DUSP15: variants seen among roughly 807,000 people sequenced by gnomAD.
DUSP15 encodes dual specificity phosphatase 15.
A neutral mutation model predicts 26.3 loss-of-function variants in DUSP15; 23 were observed. The ratio of observed to expected loss-of-function variants is 0.87; its 90% CI spans 0.63 to 1.24. The LOEUF (loss-of-function observed/expected upper bound fraction) is 1.24. Ranked by LOEUF, DUSP15 falls within the 50% of genes most tolerant of loss-of-function variation. The pLI, the probability that DUSP15 is intolerant of heterozygous loss-of-function variation, is 0.00. For missense variants in DUSP15, 364 were observed against 320.6 expected, an observed-to-expected ratio of 1.14 and a Z score of -1.03; for synonymous variants, 143 against 135.5, an observed-to-expected ratio of 1.06 and a Z score of -0.39.
At position 31,861,618 on chromosome 20, in the gene DUSP15, A is replaced by G. The variant is rs1282201647; in HGVS notation, c.493T>C (p.Leu165=). 2.1e-6 allele frequency: 3 copies of G among 1,411,002 alleles called. No homozygotes were observed. The highest frequency in any genetic ancestry group is 3.6e-5 in the East Asian group (1 of 27,800). The allele number at this position is 1,411,002 out of a possible 1,614,324, so 87.4% of individuals were successfully genotyped here. A position where few individuals can be genotyped will look rare whatever the true frequency, so the allele number is the denominator to read the frequency against. ...GESPFRDEEE[L]RALLPLCKRC... is the part of the protein sequence containing the mutation. ...TTGCACAGCGGCAGCAGCGCGCGCA[A>G]CTCCTCCTCGTCGCGGAAGGGGCTC... is the stretch of plus-strand genomic sequence containing the variant. The change falls in exon 7 of 7, where the codon TTG becomes CTG. Residue 165 remains leucine, a synonymous_variant. Coordinates refer to ENST00000339738, the MANE Select transcript of DUSP15 (RefSeq NM_080611.5).
chr20:31,864,043 C>T, intron 4 of DUSP15, 62 bp from the exon 5 acceptor site: 3 of 1,605,052 alleles, frequency 1.9e-6, no homozygotes, highest in South Asian at 2.2e-5. Flanking sequence ...AGTTGTTCCG[C>T]CCCCACCCCA....
Position 31,861,749 on chromosome 20 carries a change from A to G in DUSP15, c.436-74T>C, listed in dbSNP as rs1231715842. ...GGTCAAGGCAGCCGGCCCCGCCCCC[A>G]CCCTCCCGACCTTCGCCCTTCTCCG... On this transcript the variant is annotated intron_variant, in intron 6 of 6. Coordinates refer to ENST00000339738, the MANE Select transcript of DUSP15 (RefSeq NM_080611.5). 6 of 1,005,162 alleles carry G rather than the reference A, an allele frequency of 6.0e-6. No individual in the cohort carries two copies. The African/African-American group carries it at 1.5e-4, about 25-fold the overall frequency. 62.3% of individuals were successfully genotyped at this position (1,005,162 alleles called of 1,614,324 possible).
Position 31,861,321 on chromosome 20 carries a change from C to T in DUSP15, c.*82G>A, listed in dbSNP as rs779614720. The T allele has an allele frequency of 3.0e-4, 422 of 1,394,462 alleles. 2 individuals are homozygous for T. Among genetic ancestry groups the T allele is most frequent in the South Asian group, 2.0e-3 (127 of 63,644 alleles). 86.4% of individuals were successfully genotyped at this position (1,394,462 alleles called of 1,614,324 possible). A position where few individuals can be genotyped will look rare whatever the true frequency, so the allele number is the denominator to read the frequency against. On this transcript the variant is annotated 3_prime_UTR_variant, in exon 7 of 7. Transcript: ENST00000339738. Reference sequence around the variant, plus strand: ...CCGCGGGGCTCCCCCAGCCTCTGGGCCCGTCCTGGGGGGCGTGGAAGGCGC... The same window carrying T: ...CCGCGGGGCTCCCCCAGCCTCTGGGTCCGTCCTGGGGGGCGTGGAAGGCGC...
chr20:31,860,518 A>G (rs1189262533), downstream of DUSP15, among the ~76,000 whole-genome samples: 2 of 152,180 alleles, frequency 1.3e-5, no homozygotes, highest in African/African-American at 4.8e-5. Flanking sequence ...GGAACCTCCC[A>G]AACCAGAGGA....
intron 6 of DUSP15, among the ~76,000 whole-genome samples, chr20:31,852,920 G>C (rs562425714): frequency 3.3e-4 from 50 of 152,360 alleles, no homozygotes; most frequent in African/African-American, 1.2e-3. Context: ...TCCAGGTGGA[G>C]GGGCCTCTTT....
intron 6 of DUSP15, among the ~76,000 whole-genome samples, chr20:31,853,704 T>A (rs1007395336): frequency 1.1e-4 from 16 of 151,088 alleles, no homozygotes; most frequent in African/African-American, 3.9e-4. Flanking sequence ...TGGGTTCGAG[T>A]GATCCTCCCA....
At chr20:31,863,204 A>G (rs1600471251) in intron 5 of DUSP15, among the ~76,000 whole-genome samples, 1 of 152,268 alleles carries the variant, frequency 6.6e-6, no homozygotes, top group African/African-American at 2.4e-5. Context: ...GGGGTTAGGG[A>G]AGGGGTTCCC....
At position 31,861,160 on chromosome 20, in the gene DUSP15, GCCCCCT is replaced by G; in HGVS notation, c.*237_*242del. The G allele has an allele frequency of 7.5e-7, 1 of 1,327,684 alleles. No individual in the cohort carries two copies. Among genetic ancestry groups the G allele is most frequent in the Non-Finnish European group, 9.6e-7 (1 of 1,045,064 alleles). The allele number at this position is 1,327,684 out of a possible 1,614,324, so 82.2% of individuals were successfully genotyped here. A position where few individuals can be genotyped will look rare whatever the true frequency, so the allele number is the denominator to read the frequency against. On this transcript the variant is annotated 3_prime_UTR_variant, in exon 7 of 7. Coordinates refer to ENST00000339738, the MANE Select transcript of DUSP15 (RefSeq NM_080611.5). The stretch of plus-strand genomic sequence containing the variant: ...CCCCTCCCGCCGCCTTTAAGGGTGG[GCCCCCT>G]CCCCCAGCCCAAGGACTAAGGCACC...
chr20:31,862,805 A>ACCCCACCCTGCTTCAACTC lies in DUSP15; in HGVS notation c.264-82_264-64dup, dbSNP rs1365934604. 2.9e-4 allele frequency: 435 copies of ACCCCACCCTGCTTCAACTC among 1,480,300 alleles called. No homozygotes were observed. The African/African-American group carries it at 5.7e-3, about 19-fold the overall frequency. The allele number at this position is 1,480,300 out of a possible 1,614,324, so 91.7% of individuals were successfully genotyped here. A position where few individuals can be genotyped will look rare whatever the true frequency, so the allele number is the denominator to read the frequency against. On this transcript the variant is annotated intron_variant, in intron 5 of 6. Transcript: ENST00000339738. Reference sequence around the variant, plus strand: ...TCCAATGTCCTCCATGCCCCCAGGCACCCCACCCTGCTTCAACTCCCCCAC... The same window carrying ACCCCACCCTGCTTCAACTC: ...TCCAATGTCCTCCATGCCCCCAGGCACCCCACCCTGCTTCAACTCCCCCACCCTGCTTCAACTCCCCCAC...
chr20:31,854,298 T>C (rs960307873), intron 6 of DUSP15, among the ~76,000 whole-genome samples: 7 of 152,194 alleles, frequency 4.6e-5, no homozygotes, highest in Admixed American at 3.3e-4. Context: ...GTGAGACTTT[T>C]TGAGGCTTGA....
chr20:31,861,072 G>A, downstream of DUSP15: 1 of 1,145,816 alleles, frequency 8.7e-7, no homozygotes, highest in Non-Finnish European at 1.1e-6. Flanking sequence ...ACTCGGACAG[G>A]CAGCTTCTTC....
rs1261601787 is a variant in DUSP15 at position 31,865,087 on chromosome 20, C to A, written c.139-85G>T. The A allele has an allele frequency of 4.7e-6, 7 of 1,479,580 alleles. No homozygotes were observed. In the East Asian group the frequency reaches 1.6e-4, roughly 33 times the overall value. 91.7% of individuals were successfully genotyped at this position (1,479,580 alleles called of 1,614,324 possible). A position where few individuals can be genotyped will look rare whatever the true frequency, so the allele number is the denominator to read the frequency against. ...TCCGAGCTGCCCAGGCAGGGCATAACCCCAGCCCAGTTCCTGCCCTTCTCT... is the reference window on the plus strand; with the variant it reads ...TCCGAGCTGCCCAGGCAGGGCATAAACCCAGCCCAGTTCCTGCCCTTCTCT... On this transcript the variant is annotated intron_variant, in intron 3 of 6. Transcript: ENST00000339738.
chr20:31,865,048 C>T, intron 3 of DUSP15, 46 bp from the exon 4 acceptor site: 1 of 1,607,082 alleles, frequency 6.2e-7, no homozygotes, highest in Non-Finnish European at 8.5e-7. Flanking sequence ...GCCTGCAACC[C>T]TCCCTGATGC....
chr20:31,869,952 G>C, intron 1 of DUSP15: 1 of 1,355,918 alleles, frequency 7.4e-7, no homozygotes, highest in Non-Finnish European at 9.5e-7. Flanking sequence ...GGCAATGACA[G>C]GCAGAGGCGG....
chr20:31,870,607 T>A (rs886738970), upstream of DUSP15: 1 of 1,377,516 alleles, frequency 7.3e-7, no homozygotes, highest in Non-Finnish European at 9.4e-7. This position sits in a 1 kb window ranked among gnomAD's most constrained non-coding sequence, Gnocchi z 6.6. Flanking sequence ...CCGCCTCGGG[T>A]CGCGGCGGGG....
intron 1 of DUSP15, 56 bp from the exon 2 acceptor site, chr20:31,869,653 C>G: frequency 6.2e-7 from 1 of 1,603,570 alleles, no homozygotes. Flanking sequence ...CCTTCCACCC[C>G]CAGGGCAGCT....
At chr20:31,858,570 G>A (rs972671477), downstream of DUSP15, among the ~76,000 whole-genome samples, 4 of 152,240 alleles carry the variant, frequency 2.6e-5, no homozygotes. The surrounding 1 kb of genome is among the most constrained non-coding windows in gnomAD (Gnocchi z 4.4). Context: ...CTTTTATGGG[G>A]TGGCAGGAGG....
downstream of DUSP15, among the ~76,000 whole-genome samples, chr20:31,846,038 T>C (rs578247817): frequency 6.7e-6 from 1 of 149,104 alleles, no homozygotes; most frequent in South Asian, 2.2e-4. Context: ...CCAGAGCCTC[T>C]CAGACACTCA....
At chr20:31,852,956 T>C (rs1210986019) in intron 6 of DUSP15, among the ~76,000 whole-genome samples, 1 of 152,198 alleles carries the variant, frequency 6.6e-6, no homozygotes, top group Non-Finnish European at 1.5e-5. Flanking sequence ...ATGCTTGCCC[T>C]TGTGCACCAT....
Sources: allele counts gnomAD v4.1 joint callset (sites outside exome capture counted in the v4.1 genomes callset), GRCh38; gene constraint gnomAD v4.1.1; non-coding constraint Gnocchi (gnomAD v3.1); transcripts MANE v1.5; gene names NCBI Gene and HGNC (gene_info 2026-07-23, HGNC 2026-07-21).